The following GTF2A1 variants were observed in gnomAD, a reference collection of about 807,000 sequenced individuals.
GTF2A1 encodes transcription initiation factor IIA subunit 1.
A neutral mutation model predicts 54.1 loss-of-function variants in GTF2A1; 12 were observed. The ratio of observed to expected loss-of-function variants is 0.22; its 90% CI spans 0.14 to 0.36. The LOEUF (loss-of-function observed/expected upper bound fraction) is 0.36, where lower values mean the gene tolerates loss of function less well. GTF2A1 is among the 10% of genes least tolerant of loss of function. GTF2A1 has a pLI of 1.00. For missense variants in GTF2A1, 335 were observed against 442.2 expected (o/e 0.76, Z 2.17); for synonymous variants, 145 against 152.0 (o/e 0.95, Z 0.34).
chr14:81,208,422 A>G (rs971902125), intron 2 of GTF2A1, among the ~76,000 whole-genome samples: 1 of 152,228 alleles, frequency 6.6e-6, no homozygotes, highest in Non-Finnish European at 1.5e-5. Flanking sequence ...TGGATGCCCA[A>G]GCAAAAGTCT....
intron 2 of GTF2A1, among the ~76,000 whole-genome samples, chr14:81,205,205 C>T (rs989248121): frequency 6.6e-6 from 1 of 152,066 alleles, no homozygotes; most frequent in Non-Finnish European, 1.5e-5. Context: ...AAGCAATCTG[C>T]TCGCCTTGGC....
chr14:81,218,505 T>C (rs1010685506), intron 1 of GTF2A1, among the ~76,000 whole-genome samples: 38 of 152,182 alleles, frequency 2.5e-4, no homozygotes, highest in African/African-American at 8.4e-4. Context: ...TGTGGGCACA[T>C]AGGAGTATTT....
At chr14:81,197,161 A>T (rs1039885142) in intron 5 of GTF2A1, 7 of 304,712 alleles carry the variant, frequency 2.3e-5, no homozygotes, top group Non-Finnish European at 4.2e-5. Flanking sequence ...ATATAATCAT[A>T]CTTCAATAAT....
intron 8 of GTF2A1, among the ~76,000 whole-genome samples, chr14:81,181,867 A>G (rs1892646575): frequency 6.6e-6 from 1 of 152,168 alleles, no homozygotes; most frequent in African/African-American, 2.4e-5. Context: ...CTGAGATCTC[A>G]TTCCTAAAAT....
intron 2 of GTF2A1, among the ~76,000 whole-genome samples, chr14:81,215,371 G>A (rs1477215069): frequency 2.0e-5 from 3 of 152,062 alleles, no homozygotes; most frequent in African/African-American, 4.8e-5. Context: ...AAAGAATGAC[G>A]GGCAAACTAT....
chr14:81,221,290 C>T (rs1242911112), upstream of GTF2A1: 1 of 152,272 alleles, frequency 6.6e-6, no homozygotes, highest in Non-Finnish European at 1.5e-5. Flanking sequence ...GTGGGACCGC[C>T]TCCTGTCGCA....
At chr14:81,183,017 T>C (rs894152210) in intron 8 of GTF2A1, among the ~76,000 whole-genome samples, 3 of 152,230 alleles carry the variant, frequency 2.0e-5, no homozygotes, top group Non-Finnish European at 2.9e-5. Flanking sequence ...GCTCTTTATT[T>C]TTCCATACCG....
chr14:81,212,475 G>C (rs182412783), intron 2 of GTF2A1, among the ~76,000 whole-genome samples: 1 of 152,304 alleles, frequency 6.6e-6, no homozygotes, highest in East Asian at 1.9e-4. Context: ...TAACCTCAAA[G>C]ATTGGGTTGA....
chr14:81,186,631 C>A (rs12147118), intron 7 of GTF2A1, among the ~76,000 whole-genome samples: 98,489 of 151,946 alleles, frequency 0.65, 32,149 homozygotes, highest in Middle Eastern at 0.7. Context: ...AAGACAAAAC[C>A]AAAGTAGAGA....
intron 2 of GTF2A1, among the ~76,000 whole-genome samples, chr14:81,214,100 A>G (rs1424213769): frequency 6.6e-6 from 1 of 152,182 alleles, no homozygotes; most frequent in Non-Finnish European, 1.5e-5. Flanking sequence ...TGAAAATTCT[A>G]GAGAAGTTTC....
At chr14:81,192,909 C>G (rs950840639) in intron 6 of GTF2A1, 70 bp from the exon 7 acceptor site, 41 of 868,668 alleles carry the variant, frequency 4.7e-5, no homozygotes, top group Non-Finnish European at 7.3e-5. Context: ...GAAATAGAAA[C>G]AAATGCTTAA....
chr14:81,195,051 A>C (rs930359730), intron 6 of GTF2A1, among the ~76,000 whole-genome samples: 2 of 151,710 alleles, frequency 1.3e-5, no homozygotes, highest in South Asian at 4.2e-4. Flanking sequence ...GAGGCAGGAG[A>C]ATCACTTGAA....
intron 3 of GTF2A1, chr14:81,202,860 T>G (rs564978382): frequency 4.1e-6 from 2 of 482,982 alleles, no homozygotes; most frequent in Admixed American, 2.2e-5. Context: ...ATAAAATTAT[T>G]TGATACAAAG....
chr14:81,194,692 G>C (rs1892952022), intron 6 of GTF2A1, among the ~76,000 whole-genome samples: 1 of 152,170 alleles, frequency 6.6e-6, no homozygotes, highest in Admixed American at 6.5e-5. Flanking sequence ...TGTTTATTTT[G>C]ATGTAAATGC....
At chr14:81,203,417 A>C (rs1351365476) in intron 3 of GTF2A1, among the ~76,000 whole-genome samples, 1 of 152,240 alleles carries the variant, frequency 6.6e-6, no homozygotes, top group Non-Finnish European at 1.5e-5. Flanking sequence ...AGATTGCCAA[A>C]GTATACAAAA....
intron 2 of GTF2A1, among the ~76,000 whole-genome samples, chr14:81,213,179 A>G (rs1893410405): frequency 6.6e-6 from 1 of 152,232 alleles, no homozygotes. Context: ...ATATGCCCAG[A>G]CATCGTGGTA....
chr14:81,180,410 C>T (rs183706686), intron 8 of GTF2A1, 80 bp from the exon 9 acceptor site: 26 of 684,802 alleles, frequency 3.8e-5, no homozygotes, highest in African/African-American at 2.4e-4. Context: ...CCCATACACA[C>T]ACACACGTAC....
chr14:81,219,057 C>T (rs995565214), intron 1 of GTF2A1, among the ~76,000 whole-genome samples: 7 of 151,856 alleles, frequency 4.6e-5, no homozygotes, highest in African/African-American at 1.2e-4. Flanking sequence ...TTTTTAAATT[C>T]CCGAAAATAA....
In GTF2A1 at chr14:81,192,577, T is replaced by C; in HGVS notation, c.875A>G (p.Asp292Gly). The stretch of plus-strand genomic sequence containing the variant: ...CTCTTTGTCTTCCTCCTCATCATCA[T>C]CATAGTCTTCTTCTTCATCTTCATC... ...EEDEDEEEDY[D>G]DDEEEDKEKD... Residue 292 changes from aspartate to glycine, a missense_variant, in exon 7 of 9, where the codon GAT becomes GGT. By Grantham distance (94) the Asp-to-Gly change is moderately conservative. Transcript: ENST00000553612. 1 of 1,613,766 alleles carries C rather than the reference T, an allele frequency of 6.2e-7. No individual in the cohort carries two copies. Among genetic ancestry groups the C allele is most frequent in the Middle Eastern group, 1.7e-4 (1 of 6,060 alleles).
Sources: allele counts gnomAD v4.1 joint callset (sites outside exome capture counted in the v4.1 genomes callset), GRCh38; gene constraint gnomAD v4.1.1; transcripts MANE v1.5; gene names NCBI Gene and HGNC (gene_info 2026-07-23, HGNC 2026-07-21).